The following MADD variants were observed in gnomAD, a reference collection of about 807,000 sequenced individuals.
MADD encodes MAP kinase activating death domain, also known as MAP kinase-activating death domain protein.
A neutral mutation model predicts 176.7 loss-of-function variants in MADD; 109 were observed. That is an observed-to-expected ratio of 0.62 (90% CI 0.53 to 0.72). The LOEUF (loss-of-function observed/expected upper bound fraction) is 0.72, where lower values mean the gene tolerates loss of function less well. MADD is among the 30% of genes least tolerant of loss of function. The pLI, the probability that MADD is intolerant of heterozygous loss-of-function variation, is 0.00. For missense variants in MADD, 1,914 were observed against 2,045.5 expected, an observed-to-expected ratio of 0.94 and a Z score of 1.24; for synonymous variants, 771 against 771.3, an observed-to-expected ratio of 1.00 and a Z score of 0.01.
chr11:47,296,157 A>G (rs893158174), intron 22 of MADD, 102 bp downstream of exon 24: 3 of 1,335,664 alleles, frequency 2.2e-6, no homozygotes, highest in African/African-American at 2.9e-5. Flanking sequence ...GGTAAAGGTT[A>G]AATAAGGAAG....
chr11:47,296,674 A>G (rs1198183400), intron 22 of MADD, among the ~76,000 whole-genome samples: 5 of 152,162 alleles, frequency 3.3e-5, no homozygotes. Context: ...TTAGGAAAAA[A>G]GAACTTCCCT....
Position 47,284,881 on chromosome 11 carries a change from G to A in MADD, c.2158-60G>A, listed in dbSNP as rs904505906. Reference sequence around the variant, plus strand: ...GCCTGGTCCAGCCCTGCCAAACTGGGATTACAGGAAGGTACCATTGGGCAC... The same window carrying A: ...GCCTGGTCCAGCCCTGCCAAACTGGAATTACAGGAAGGTACCATTGGGCAC... On this transcript the variant is annotated intron_variant, in intron 12 of 32. Transcript: ENST00000402192. 5 of 1,596,526 alleles carry A rather than the reference G, an allele frequency of 3.1e-6. No homozygotes were observed. In the African/African-American group the frequency reaches 5.4e-5, roughly 17 times the overall value.
intron 27 of MADD, among the ~76,000 whole-genome samples, chr11:47,319,990 C>CA (rs11302029): frequency 0.013 from 850 of 67,800 alleles, 13 homozygotes; most frequent in African/African-American, 0.03. Context: ...GACTCCATCG[C>CA]AAAAAAAAAA....
chr11:47,297,338 T>C (rs970005500), intron 22 of MADD, among the ~76,000 whole-genome samples: 3 of 152,214 alleles, frequency 2.0e-5, no homozygotes, highest in African/African-American at 7.2e-5. Context: ...ACTGAGAGGC[T>C]ACTCAAGTTA....
chr11:47,328,314 T>C, intron 31 of MADD: 1 of 1,193,548 alleles, frequency 8.4e-7, no homozygotes, highest in Non-Finnish European at 1.0e-6. Flanking sequence ...CCACTGCAGC[T>C]CCTCAGGGGC....
At chr11:47,323,707 G>A (rs769270495) in exon 28 of MADD, 35 of 1,613,870 alleles carry the variant, frequency 2.2e-5, no homozygotes, top group Admixed American at 3.3e-5. Flanking sequence ...TAGTAACATC[G>A]GAACAGTGTA....
At chr11:47,318,720 G>A (rs542627235) in intron 27 of MADD, among the ~76,000 whole-genome samples, 1 of 151,496 alleles carries the variant, frequency 6.6e-6, no homozygotes, top group Admixed American at 6.6e-5. Context: ...CTCCTGTGAG[G>A]CTATTTGATT....
chr11:47,289,944 AGGTGCGCC>A lies in MADD; in HGVS notation c.2837_2844del (p.Val946AlafsTer82). ...GGAGTTGGCTGGCTCAACATGAAAA[AGGTGCGCC>A]GGCTGCTGGAGAGCGAGCAGCTGCG... On this transcript the variant is annotated frameshift_variant, in exon 17 of 33. Coordinates refer to ENST00000402192, the Ensembl canonical transcript of MADD. LOFTEE classifies it high-confidence loss of function. 1 of 1,614,186 alleles carries A rather than the reference AGGTGCGCC, an allele frequency of 6.2e-7. No homozygotes were observed. Among genetic ancestry groups the A allele is most frequent in the Non-Finnish European group, 8.5e-7 (1 of 1,180,030 alleles).
exon 4 of MADD, chr11:47,276,191 T>C: frequency 1.9e-6 from 3 of 1,607,842 alleles, no homozygotes; most frequent in Non-Finnish European, 2.6e-6. Context: ...CTGCATTCTG[T>C]TAGAGCACAA....
At chr11:47,273,845 C>T in exon 2 of MADD, 1 of 1,372,098 alleles carries the variant, frequency 7.3e-7, no homozygotes, top group Admixed American at 1.7e-5. Flanking sequence ...TTTCAGAATT[C>T]CTCCTGGGAA....
rs371043468 is a variant in MADD, at chr11:47,275,847, G to A, written c.660-52G>A. The A allele has an allele frequency of 4.7e-5, 71 of 1,509,404 alleles. 1 individual carries two copies. The African/African-American group carries it at 9.6e-4, about 20-fold the overall frequency. 93.5% of individuals were successfully genotyped at this position (1,509,404 alleles called of 1,614,324 possible). ...TCTGTGGTGATACTGAGTTGCAGTA[G>A]GGTATCAGCTTCTGATGCTAATGTG... On this transcript the variant is annotated intron_variant, in intron 3 of 32. Transcript: ENST00000402192.
chr11:47,323,971 A>G, intron 28 of MADD, 136 bp downstream of exon 31: 1 of 993,000 alleles, frequency 1.0e-6, no homozygotes, highest in Non-Finnish European at 1.5e-6. Context: ...TGGAGTACCT[A>G]AAGCTGTCTC....
intron 27 of MADD, among the ~76,000 whole-genome samples, chr11:47,316,893 A>G (rs920063134): frequency 1.3e-5 from 2 of 151,802 alleles, no homozygotes; most frequent in African/African-American, 4.8e-5. Context: ...ACAGTCGCCC[A>G]CCACCATGCC....
chr11:47,309,838 C>CTTTTTT (rs60488949), intron 25 of MADD, among the ~76,000 whole-genome samples: 2 of 143,660 alleles, frequency 1.4e-5, no homozygotes, highest in African/African-American at 2.6e-5. Flanking sequence ...TGATGATTCT[C>CTTTTTT]TTTTTTTTTT....
rs1591710201 is a variant in MADD, at chr11:47,275,816, A to G, written c.660-83A>G. On this transcript the variant is annotated intron_variant, in intron 3 of 32. Coordinates refer to ENST00000402192, the Ensembl canonical transcript of MADD. ...TGCTCCGTTTCCCATTGTCATCATT[A>G]GAGCCTCTGTGGTGATACTGAGTTG... 1.6e-5 allele frequency: 21 copies of G among 1,310,244 alleles called. 2 individuals carry two copies. The South Asian group carries it at 2.6e-4, about 16-fold the overall frequency. The allele number at this position is 1,310,244 out of a possible 1,614,324, so 81.2% of individuals were successfully genotyped here. A position where few individuals can be genotyped will look rare whatever the true frequency, so the allele number is the denominator to read the frequency against.
rs1370173729 is a variant in MADD, at chr11:47,308,573, A to T, written c.3643-18A>T. On this transcript the variant is annotated intron_variant, in intron 22 of 32. Coordinates refer to ENST00000402192, the Ensembl canonical transcript of MADD. ...CATTGCTACCTCTGGCCACTGACCT[A>T]TCACCTCTTCTCTCTAGGGTAAAGC... The T allele has an allele frequency of 6.2e-7, 1 of 1,604,726 alleles. No homozygotes were observed. The highest frequency in any genetic ancestry group is 8.5e-7 in the Non-Finnish European group (1 of 1,171,974).
At position 47,325,922 on chromosome 11, in the gene MADD, C is replaced by T. The variant is rs574074863; in HGVS notation, c.4543-816C>T. On this transcript the variant is annotated intron_variant, in intron 30 of 32. Coordinates refer to ENST00000402192, the Ensembl canonical transcript of MADD. The surrounding 1 kb of genome is among the most constrained non-coding windows in gnomAD (Gnocchi z 4.5). ...AAAGCCCGGGTTCTCAATCTCACCT[C>T]ACAGTTAGTAATGAGATAGCGACCT... 1.3e-5 allele frequency among the ~76,000 whole-genome samples: 2 copies of T among 152,346 alleles called. No individual in the cohort carries two copies. The highest frequency in any genetic ancestry group is 2.1e-4 in the South Asian group (1 of 4,830).
At chr11:47,280,518 A>T (rs1424202846) in intron 7 of MADD, among the ~76,000 whole-genome samples, 1 of 152,248 alleles carries the variant, frequency 6.6e-6, no homozygotes, top group African/African-American at 2.4e-5. Flanking sequence ...GACTAATGAG[A>T]TGGAGAGGTT....
chr11:47,327,672 C>G, intron 31 of MADD: 1 of 985,438 alleles, frequency 1.0e-6, no homozygotes, highest in South Asian at 4.7e-5. Flanking sequence ...GGGGAATCTT[C>G]CAACTCGGGA....
Sources: allele counts gnomAD v4.1 joint callset (sites outside exome capture counted in the v4.1 genomes callset), GRCh38; gene constraint gnomAD v4.1.1; non-coding constraint Gnocchi (gnomAD v3.1); transcripts MANE v1.5; gene names NCBI Gene and HGNC (gene_info 2026-07-23, HGNC 2026-07-21).